INPP4B: variants seen among roughly 807,000 people sequenced by gnomAD.
The protein encoded by INPP4B is inositol polyphosphate 4-phosphatase type II.
A neutral mutation model predicts 122.5 loss-of-function variants in INPP4B; 55 were observed. The observed-to-expected ratio is 0.45, with a 90% CI of 0.36 to 0.56. INPP4B has a LOEUF of 0.56. INPP4B is among the 20% of genes least tolerant of loss of function. The pLI, the probability that INPP4B is intolerant of heterozygous loss-of-function variation, is 0.00. For synonymous variants in INPP4B, 403 were observed against 388.7 expected (o/e 1.04, Z -0.43); for missense variants, 1,000 against 1,097.7 (o/e 0.91, Z 1.26).
intron 25 of INPP4B, among the ~76,000 whole-genome samples, chr4:142,038,096 G>A (rs1393762180): frequency 3.9e-5 from 6 of 151,972 alleles, no homozygotes; most frequent in East Asian, 3.8e-4. Flanking sequence ...TAAATAACTC[G>A]AAATACTCTA....
chr4:142,509,855 T>A (rs1357283083), intron 2 of INPP4B, among the ~76,000 whole-genome samples: 1 of 152,192 alleles, frequency 6.6e-6, no homozygotes, highest in Non-Finnish European at 1.5e-5. Context: ...GCATGCTCAC[T>A]GCTTAACCCA....
chr4:142,619,837 A>G (rs1192636421), intron 2 of INPP4B, among the ~76,000 whole-genome samples: 1 of 152,046 alleles, frequency 6.6e-6, no homozygotes, highest in Admixed American at 6.6e-5. Flanking sequence ...GGAGTGGATA[A>G]GAAAGGAAAG....
At chr4:142,183,257 T>C (rs1157620449) in intron 15 of INPP4B, among the ~76,000 whole-genome samples, 1 of 152,178 alleles carries the variant, frequency 6.6e-6, no homozygotes, top group African/African-American at 2.4e-5. Flanking sequence ...TTATCTTCTC[T>C]CCATCTGTGC....
At position 142,078,447 on chromosome 4, in the gene INPP4B, CAT is replaced by C. The variant is rs58922903; in HGVS notation, c.2642+3582_2642+3583del. ...ATAGGACCCGAAAGTTTTAGAAACC[CAT>C]GTCATTCACGTATTCCTTTATTGTA... On this transcript the variant is annotated intron_variant, in intron 25 of 25. Transcript: ENST00000262992. 1.1e-3 allele frequency among the ~76,000 whole-genome samples: 170 copies of C among 152,000 alleles called. 1 individual carries two copies. The highest frequency in any genetic ancestry group is 4.0e-3 in the African/African-American group (166 of 41,502).
At chr4:142,635,211 G>A (rs1191436819) in intron 2 of INPP4B, among the ~76,000 whole-genome samples, 2 of 152,086 alleles carry the variant, frequency 1.3e-5, no homozygotes, top group Non-Finnish European at 2.9e-5. Flanking sequence ...AAAAATAACA[G>A]ATGCTGGAGA....
At chr4:142,301,424 C>T (rs143084638) in intron 9 of INPP4B, among the ~76,000 whole-genome samples, 121 of 152,162 alleles carry the variant, frequency 8.0e-4, no homozygotes, top group Non-Finnish European at 1.5e-3. Context: ...CTTGAGCTTC[C>T]TACTAGGTAG....
chr4:142,813,967 G>A (rs1779820681), intron 1 of INPP4B, among the ~76,000 whole-genome samples: 2 of 152,170 alleles, frequency 1.3e-5, no homozygotes, highest in Non-Finnish European at 2.9e-5. Flanking sequence ...CCAATTTGGT[G>A]TTACCCCCAA....
chr4:142,253,754 G>A (rs1057427993), intron 11 of INPP4B, among the ~76,000 whole-genome samples: 70 of 152,202 alleles, frequency 4.6e-4, no homozygotes, highest in Non-Finnish European at 3.5e-4. Flanking sequence ...AGATCAAACT[G>A]CAAGGTGGCA....
At chr4:142,220,485 A>T (rs938819913) in intron 12 of INPP4B, among the ~76,000 whole-genome samples, 25 of 152,130 alleles carry the variant, frequency 1.6e-4, no homozygotes, top group African/African-American at 6.0e-4. Flanking sequence ...ACAAATATTC[A>T]CTCATTTGCC....
At chr4:142,323,932 C>A (rs1410035905) in intron 7 of INPP4B, among the ~76,000 whole-genome samples, 1 of 152,072 alleles carries the variant, frequency 6.6e-6, no homozygotes, top group Non-Finnish European at 1.5e-5. Flanking sequence ...AATTCAGTGT[C>A]ATTGGCTGAA....
chr4:142,603,911 C>G lies in INPP4B; in HGVS notation c.-191+121928G>C, dbSNP rs567521154. On this transcript the variant is annotated intron_variant, in intron 2 of 25. Transcript: ENST00000262992. Reference sequence around the variant, plus strand: ...TACCAAAACCAGACAAGAACACACACACACACACACACACACACAAAGTAC... The same window carrying G: ...TACCAAAACCAGACAAGAACACACAGACACACACACACACACACAAAGTAC... 1.2e-3 allele frequency among the ~76,000 whole-genome samples: 183 copies of G among 151,754 alleles called. No homozygotes were observed. In the Middle Eastern group the frequency reaches 0.017, roughly 14 times the overall value.
chr4:142,234,295 A>G (rs993497052), intron 12 of INPP4B, among the ~76,000 whole-genome samples: 2 of 152,082 alleles, frequency 1.3e-5, no homozygotes, highest in Admixed American at 1.3e-4. Flanking sequence ...CTTCCAAATT[A>G]CAGACATGAT....
At chr4:142,665,965 A>G (rs1451489275) in intron 2 of INPP4B, among the ~76,000 whole-genome samples, 1 of 152,206 alleles carries the variant, frequency 6.6e-6, no homozygotes, top group Non-Finnish European at 1.5e-5. Flanking sequence ...GAGATTAGAA[A>G]CAATAACAAA....
At chr4:142,749,970 A>C (rs191801945) in intron 1 of INPP4B, among the ~76,000 whole-genome samples, 5 of 152,144 alleles carry the variant, frequency 3.3e-5, no homozygotes, top group African/African-American at 1.2e-4. Context: ...AAAATGTTAT[A>C]AACTCATAAT....
At chr4:142,729,270 T>C (rs1015930130) in intron 1 of INPP4B, among the ~76,000 whole-genome samples, 105 of 152,270 alleles carry the variant, frequency 6.9e-4, no homozygotes, top group African/African-American at 2.5e-3. Context: ...CAGTTACCTG[T>C]CCACGGCTTG....
chr4:142,224,331 T>C (rs911129391), intron 12 of INPP4B, among the ~76,000 whole-genome samples: 1 of 152,182 alleles, frequency 6.6e-6, no homozygotes. Flanking sequence ...TTCACCTAAA[T>C]AAATCTGAAT....
At chr4:142,803,388 A>G (rs190735301) in intron 1 of INPP4B, among the ~76,000 whole-genome samples, 9 of 152,012 alleles carry the variant, frequency 5.9e-5, no homozygotes, top group African/African-American at 2.2e-4. Context: ...TATTGACATG[A>G]AAAGTGCTGA....
chr4:142,111,952 CA>C (rs1790378658), intron 22 of INPP4B, among the ~76,000 whole-genome samples: 1 of 151,810 alleles, frequency 6.6e-6, no homozygotes, highest in Admixed American at 6.6e-5. Context: ...CCATCTTGGC[CA>C]GGCTGATCTT....
At chr4:142,574,732 A>G (rs1252532620) in intron 2 of INPP4B, among the ~76,000 whole-genome samples, 2 of 152,138 alleles carry the variant, frequency 1.3e-5, no homozygotes, top group Admixed American at 1.3e-4. Flanking sequence ...TCATATCGCC[A>G]TAATAACTAG....
Sources: gnomAD v4.1 joint callset for allele counts (sites outside exome capture counted in the v4.1 genomes callset) on GRCh38, gnomAD v4.1.1 for gene constraint, MANE v1.5 for transcripts, NCBI Gene and HGNC (gene_info 2026-07-23, HGNC 2026-07-21) for gene names.